The following PLCZ1 variants were observed in gnomAD, a reference collection of about 807,000 sequenced individuals.
The protein encoded by PLCZ1 is 1-phosphatidylinositol 4,5-bisphosphate phosphodiesterase zeta-1.
Under a neutral mutation model 76.8 loss-of-function variants are expected in PLCZ1, and 64 were observed. That is an observed-to-expected ratio of 0.83 (90% CI 0.68 to 1.03). The LOEUF (loss-of-function observed/expected upper bound fraction) is 1.03, where lower values mean the gene tolerates loss of function less well. Ranked by LOEUF, PLCZ1 falls within the 50% of genes least tolerant of loss-of-function variation. The pLI is 0.00. For missense variants in PLCZ1, 751 were observed against 713.7 expected (o/e 1.05, Z -0.60); for synonymous variants, 248 against 230.8 (o/e 1.07, Z -0.68).
the PLCZ1 span, among the ~76,000 whole-genome samples, chr12:18,657,410 T>C: frequency 6.6e-6 from 1 of 152,272 alleles, no homozygotes; most frequent in African/African-American, 2.4e-5. Context: ...CCTCAGGCTC[T>C]ATGAAAGCAC....
chr12:18,713,047 T>G, intron 5 of PLCZ1, 61 bp from the exon 6 acceptor site: 1 of 1,583,208 alleles, frequency 6.3e-7, no homozygotes, highest in East Asian at 2.3e-5. Context: ...TATACCAAAG[T>G]ATTAAAATAT....
the PLCZ1 span, among the ~76,000 whole-genome samples, chr12:18,646,452 T>A: frequency 3.3e-5 from 5 of 152,112 alleles, no homozygotes; most frequent in Non-Finnish European, 7.4e-5. Flanking sequence ...TTGAACCTAT[T>A]TACTTGGTAA....
chr12:18,722,201 T>G (rs1274040022), intron 4 of PLCZ1, among the ~76,000 whole-genome samples: 1 of 28,488 alleles, frequency 3.5e-5, no homozygotes, highest in Non-Finnish European at 7.8e-5. Flanking sequence ...CCCAGGTCAT[T>G]TACTCTCCAT....
At chr12:18,688,527 C>G (rs1953537976) in intron 12 of PLCZ1, among the ~76,000 whole-genome samples, 1 of 151,546 alleles carries the variant, frequency 6.6e-6, no homozygotes, top group Non-Finnish European at 1.5e-5. Context: ...GGTCGAGTTA[C>G]TCTGATAACG....
chr12:18,700,512 C>CTAAAAA (rs1955738356), intron 9 of PLCZ1, among the ~76,000 whole-genome samples: 1 of 67,896 alleles, frequency 1.5e-5, no homozygotes, highest in Non-Finnish European at 2.5e-5. Context: ...AGCCAACGTA[C>CTAAAAA]AAAAAAAAAA....
At chr12:18,715,520 G>A (rs933698028) in intron 5 of PLCZ1, among the ~76,000 whole-genome samples, 2 of 151,802 alleles carry the variant, frequency 1.3e-5, no homozygotes, top group African/African-American at 4.8e-5. Flanking sequence ...TCCTGCCTCA[G>A]CCCCCTGAGT....
rs146728726 is a variant in PLCZ1, at chr12:18,722,003, A to T, written c.367+1308T>A. Among the ~76,000 whole-genome samples the T allele has an allele frequency of 3.7e-4, 56 of 152,086 alleles. No homozygotes were observed. The East Asian group carries it at 5.2e-3, about 14-fold the overall frequency. On this transcript the variant is annotated intron_variant, in intron 4 of 14. Transcript: ENST00000266505. ...CCAAACTCATCTCTCTCTCATTCTCAAAGTTCTAACCACACAGTCCTCCTG... is the reference window on the plus strand; with the variant it reads ...CCAAACTCATCTCTCTCTCATTCTCTAAGTTCTAACCACACAGTCCTCCTG...
chr12:18,723,168 T>A, intron 4 of PLCZ1, 143 bp downstream of exon 4: 1 of 679,448 alleles, frequency 1.5e-6, no homozygotes, highest in Non-Finnish European at 2.5e-6. Context: ...AAAATATATT[T>A]TCTCAAAGAT....
At chr12:18,703,039 C>T (rs1956150633) in intron 7 of PLCZ1, among the ~76,000 whole-genome samples, 1 of 151,998 alleles carries the variant, frequency 6.6e-6, no homozygotes, top group Admixed American at 6.6e-5. Flanking sequence ...TGAATGAAAG[C>T]TATGTACGGG....
intron 10 of PLCZ1, among the ~76,000 whole-genome samples, chr12:18,699,218 C>A (rs1955539857): frequency 6.6e-6 from 1 of 152,142 alleles, no homozygotes; most frequent in South Asian, 2.1e-4. Flanking sequence ...GCCATTTCTT[C>A]CCCTTCCTTC....
chr12:18,647,771 G>C, the PLCZ1 span: 7 of 543,944 alleles, frequency 1.3e-5, no homozygotes, highest in Non-Finnish European at 2.1e-5. Context: ...CTATTCCAGG[G>C]TATAAGATAT....
At chr12:18,717,178 T>G (rs1958083374) in intron 5 of PLCZ1, among the ~76,000 whole-genome samples, 1 of 152,118 alleles carries the variant, frequency 6.6e-6, no homozygotes, top group Non-Finnish European at 1.5e-5. Context: ...TCTTGTAATG[T>G]AAAAGTAATT....
chr12:18,709,928 A>G (rs1257645164), intron 6 of PLCZ1, among the ~76,000 whole-genome samples: 1 of 151,928 alleles, frequency 6.6e-6, no homozygotes, highest in Non-Finnish European at 1.5e-5. Flanking sequence ...ATTGTAAATG[A>G]GATTTTTTCT....
At chr12:18,696,974 T>G (rs1013438476) in intron 10 of PLCZ1, among the ~76,000 whole-genome samples, 31 of 152,192 alleles carry the variant, frequency 2.0e-4, no homozygotes, top group African/African-American at 7.2e-4. Context: ...TTTTAGTTTC[T>G]GTACATATTC....
intron 5 of PLCZ1, among the ~76,000 whole-genome samples, chr12:18,716,341 T>C (rs1957983090): frequency 6.6e-6 from 1 of 152,176 alleles, no homozygotes; most frequent in African/African-American, 2.4e-5. Context: ...TTTAATTTTA[T>C]CCATGGATCA....
At position 18,720,267 on chromosome 12, in the gene PLCZ1, G is replaced by T. The variant is rs75162111; in HGVS notation, c.368-635C>A. Among the ~76,000 whole-genome samples the T allele has an allele frequency of 5.6e-4, 85 of 151,816 alleles. No individual in the cohort carries two copies. In the East Asian group the frequency reaches 0.016, roughly 29 times the overall value. Reference sequence around the variant, plus strand: ...CAATTTATTTATTCATTCTATCACTGATAGGCATTTAGATAATTTCCTGTT... The same window carrying T: ...CAATTTATTTATTCATTCTATCACTTATAGGCATTTAGATAATTTCCTGTT... On this transcript the variant is annotated intron_variant, in intron 4 of 14. Coordinates refer to ENST00000266505, the MANE Select transcript of PLCZ1 (RefSeq NM_033123.4).
intron 14 of PLCZ1, 125 bp downstream of exon 14, chr12:18,684,005 A>C: frequency 8.8e-7 from 1 of 1,132,440 alleles, no homozygotes; most frequent in South Asian, 1.4e-5. Flanking sequence ...AATATGTGTC[A>C]ATACATAAAA....
chr12:18,699,540 A>G (rs997564289), intron 10 of PLCZ1, among the ~76,000 whole-genome samples: 15 of 152,050 alleles, frequency 9.9e-5, no homozygotes, highest in Admixed American at 9.8e-4. Flanking sequence ...ACAGCCCCCC[A>G]GCCCTCAACA....
the PLCZ1 span, among the ~76,000 whole-genome samples, chr12:18,665,180 T>A: frequency 2.7e-5 from 4 of 149,774 alleles, no homozygotes; most frequent in East Asian, 1.9e-4. Flanking sequence ...TAAAAAAAAA[T>A]TAAAAAAAAT....
Sources: gnomAD v4.1 joint callset for allele counts (sites outside exome capture counted in the v4.1 genomes callset) on GRCh38, gnomAD v4.1.1 for gene constraint, MANE v1.5 for transcripts, NCBI Gene and HGNC (gene_info 2026-07-23, HGNC 2026-07-21) for gene names.